The following SIDT1 variants were observed in gnomAD, a reference collection of about 807,000 sequenced individuals.
The protein encoded by SIDT1 is SID1 transmembrane family member 1, also known as SID1 transmembrane family, member 1.
SIDT1 carries 101 observed loss-of-function variants against 107.5 expected under a neutral mutation model. The ratio of observed to expected loss-of-function variants is 0.94; its 90% CI spans 0.80 to 1.11. SIDT1 has a LOEUF of 1.11. Ranked by LOEUF, SIDT1 falls within the 50% of genes least tolerant of loss-of-function variation. The pLI, the probability that SIDT1 is intolerant of heterozygous loss-of-function variation, is 0.00. For missense variants in SIDT1, 1,076 were observed against 1,058.2 expected (o/e 1.02, Z -0.23); for synonymous variants, 395 against 398.2 (o/e 0.99, Z 0.10).
intron 1 of SIDT1, among the ~76,000 whole-genome samples, chr3:113,536,293 TGACCCCA>T (rs1938151396): frequency 6.6e-6 from 1 of 152,208 alleles, no homozygotes; most frequent in Admixed American, 6.5e-5. Flanking sequence ...TAGAGATGTA[TGACCCCA>T]GACCTACGAT....
In SIDT1 at chr3:113,595,578, C is replaced by CAA. The variant is rs200311251; in HGVS notation, c.1045+2542_1045+2543dup. 4.8e-3 allele frequency among the ~76,000 whole-genome samples: 619 copies of CAA among 130,074 alleles called. 13 individuals are homozygous for CAA. In the East Asian group the frequency reaches 0.065, roughly 14 times the overall value. 85.3% of individuals were successfully genotyped at this position (130,074 alleles called of 152,430 possible). On this transcript the variant is annotated intron_variant, in intron 10 of 24. Transcript: ENST00000264852. ...TAGGTGACAGAGCAAGACCGTGTCT[C>CAA]AAAAAAAAAAAAAGCCTCCAGACAT... is the stretch of plus-strand genomic sequence containing the variant.
chr3:113,605,435 A>G (rs1560111995), intron 14 of SIDT1, among the ~76,000 whole-genome samples: 1 of 152,084 alleles, frequency 6.6e-6, no homozygotes, highest in African/African-American at 2.4e-5. Context: ...CCATTGCTTC[A>G]TCTTTAACTG....
chr3:113,580,402 G>C (rs1240249246), intron 4 of SIDT1, among the ~76,000 whole-genome samples: 2 of 152,150 alleles, frequency 1.3e-5, no homozygotes, highest in Non-Finnish European at 2.9e-5. Flanking sequence ...TAAAATGGCT[G>C]TTTTGTCTTA....
chr3:113,563,288 T>C (rs1007231704), intron 1 of SIDT1, among the ~76,000 whole-genome samples: 1 of 152,216 alleles, frequency 6.6e-6, no homozygotes, highest in South Asian at 2.1e-4. Context: ...AAGACAAAAT[T>C]GCAATCACTC....
chr3:113,633,370 T>C (rs1050237167), downstream of SIDT1, among the ~76,000 whole-genome samples: 3 of 152,140 alleles, frequency 2.0e-5, no homozygotes, highest in African/African-American at 7.2e-5. Context: ...GGCTAGAACC[T>C]TATAATAATT....
chr3:113,592,215 T>C (rs1373095646), intron 9 of SIDT1, among the ~76,000 whole-genome samples: 1 of 152,132 alleles, frequency 6.6e-6, no homozygotes. Flanking sequence ...AATTCGATAG[T>C]GGTGGGAGCT....
intron 3 of SIDT1, among the ~76,000 whole-genome samples, chr3:113,568,188 T>TA (rs55669843): frequency 0.48 from 72,068 of 151,700 alleles, 17,796 homozygotes; most frequent in East Asian, 0.76. Context: ...CCCCTGTTTT[T>TA]AAAAAACTAA....
intron 10 of SIDT1, among the ~76,000 whole-genome samples, chr3:113,597,022 G>A (rs1045347013): frequency 6.6e-6 from 1 of 152,130 alleles, no homozygotes; most frequent in Non-Finnish European, 1.5e-5. Flanking sequence ...CAGTGACAAA[G>A]GGTCTCAAAT....
chr3:113,573,061 G>A (rs907194767), intron 3 of SIDT1, among the ~76,000 whole-genome samples: 1 of 151,724 alleles, frequency 6.6e-6, no homozygotes, highest in African/African-American at 2.4e-5. Flanking sequence ...GTGGTGGCAG[G>A]TTACTTTTAC....
intron 9 of SIDT1, among the ~76,000 whole-genome samples, chr3:113,591,078 A>G (rs985403893): frequency 7.2e-5 from 11 of 152,254 alleles, no homozygotes; most frequent in African/African-American, 2.7e-4. Context: ...AGGAAATGCG[A>G]CAAAGAAAGC....
chr3:113,568,860 G>A (rs1292684976), intron 3 of SIDT1, among the ~76,000 whole-genome samples: 3 of 152,020 alleles, frequency 2.0e-5, no homozygotes, highest in African/African-American at 4.8e-5. Context: ...CAGGCCAGGT[G>A]CGGTGGCTCA....
intron 1 of SIDT1, among the ~76,000 whole-genome samples, chr3:113,533,946 G>A (rs1937781094): frequency 6.6e-6 from 1 of 152,118 alleles, no homozygotes; most frequent in Admixed American, 6.5e-5. Context: ...GATAAGGAGG[G>A]AAAAATGTTC....
chr3:113,625,613 T>C (rs1381349901), intron 23 of SIDT1, among the ~76,000 whole-genome samples: 1 of 152,238 alleles, frequency 6.6e-6, no homozygotes, highest in East Asian at 1.9e-4. Context: ...AGATGATATC[T>C]CATTGTAGTT....
chr3:113,626,825 T>C (rs1181929424), intron 24 of SIDT1, among the ~76,000 whole-genome samples: 1 of 152,166 alleles, frequency 6.6e-6, no homozygotes, highest in African/African-American at 2.4e-5. Context: ...TAAAAGTCCA[T>C]GGTGCCTGTA....
At chr3:113,586,059 T>G (rs1943721167) in intron 9 of SIDT1, among the ~76,000 whole-genome samples, 1 of 152,164 alleles carries the variant, frequency 6.6e-6, no homozygotes, top group Non-Finnish European at 1.5e-5. Flanking sequence ...CAAAATGAAC[T>G]CCATCCATGG....
chr3:113,552,029 C>G (rs879525187), intron 1 of SIDT1, among the ~76,000 whole-genome samples: 3 of 152,138 alleles, frequency 2.0e-5, no homozygotes, highest in Non-Finnish European at 4.4e-5. Flanking sequence ...ACAAACAGGA[C>G]TAACCGACTG....
intron 20 of SIDT1, among the ~76,000 whole-genome samples, chr3:113,616,429 A>G (rs998442948): frequency 1.3e-5 from 2 of 152,194 alleles, no homozygotes; most frequent in Admixed American, 1.3e-4. Flanking sequence ...CATCTACCCA[A>G]CTGTTAAACA....
At chr3:113,562,850 G>T (rs965534437) in intron 1 of SIDT1, among the ~76,000 whole-genome samples, 1 of 152,168 alleles carries the variant, frequency 6.6e-6, no homozygotes, top group African/African-American at 2.4e-5. Context: ...TGAATTGTGT[G>T]ATGTATGAAT....
At chr3:113,588,784 G>A (rs1449335477) in intron 9 of SIDT1, 4 of 147,444 alleles carry the variant, frequency 2.7e-5, no homozygotes, top group African/African-American at 5.0e-5. Flanking sequence ...TCTTGTATTC[G>A]TTATCTATTA....
Sources: gnomAD v4.1 joint callset for allele counts (sites outside exome capture counted in the v4.1 genomes callset) on GRCh38, gnomAD v4.1.1 for gene constraint, MANE v1.5 for transcripts, NCBI Gene and HGNC (gene_info 2026-07-23, HGNC 2026-07-21) for gene names.